The following ZFHX3 variants were observed in gnomAD, a reference collection of about 807,000 sequenced individuals.
ZFHX3 encodes zinc finger homeobox protein 3.
Under a neutral mutation model 279.1 loss-of-function variants are expected in ZFHX3, and 42 were observed. The observed-to-expected ratio is 0.15, with a 90% confidence interval of 0.12 to 0.19. ZFHX3 has a LOEUF of 0.19. Ranked by LOEUF, ZFHX3 falls within the 10% of genes least tolerant of loss-of-function variation. ZFHX3 has a pLI of 1.00. For synonymous variants in ZFHX3, 2,293 were observed against 1,957.8 expected (o/e 1.17, Z -4.52); for missense variants, 4,981 against 4,754.0 (o/e 1.05, Z -1.40).
chr16:72,859,425 A>G (rs2037829430), intron 4 of ZFHX3, among the ~76,000 whole-genome samples: 1 of 152,164 alleles, frequency 6.6e-6, no homozygotes, highest in Non-Finnish European at 1.5e-5. Context: ...AGGGGGCAAG[A>G]GACAAAATCC....
intron 5 of ZFHX3, among the ~76,000 whole-genome samples, chr16:73,251,367 C>A (rs183495870): frequency 6.6e-6 from 1 of 152,166 alleles, no homozygotes; most frequent in Non-Finnish European, 1.5e-5. Flanking sequence ...ATAATGACAA[C>A]AGCGAGCACG....
chr16:73,540,078 G>C (rs2019984406), intron 2 of ZFHX3, among the ~76,000 whole-genome samples: 1 of 152,224 alleles, frequency 6.6e-6, no homozygotes, highest in East Asian at 1.9e-4. Context: ...ATTAGTATTA[G>C]AAGGAGAATG....
intron 1 of ZFHX3, among the ~76,000 whole-genome samples, chr16:73,777,158 G>A (rs749799774): frequency 3.3e-5 from 5 of 152,070 alleles, no homozygotes; most frequent in Non-Finnish European, 7.4e-5. Flanking sequence ...TATGTGCAGG[G>A]CAAGGATCCC....
chr16:73,848,143 T>C (rs1961499437), intron 1 of ZFHX3, among the ~76,000 whole-genome samples: 2 of 152,004 alleles, frequency 1.3e-5, no homozygotes, highest in African/African-American at 2.4e-5. Flanking sequence ...CAATCTAGTC[T>C]AGACATGGGC....
chr16:73,121,945 G>A (rs1263378147), intron 7 of ZFHX3, among the ~76,000 whole-genome samples: 1 of 151,976 alleles, frequency 6.6e-6, no homozygotes, highest in African/African-American at 2.4e-5. Context: ...TACTTTTGAA[G>A]GTGAAAACTG....
chr16:72,928,187 GA>G (rs1959582799), intron 3 of ZFHX3, among the ~76,000 whole-genome samples: 2 of 41,510 alleles, frequency 4.8e-5, no homozygotes, highest in African/African-American at 1.2e-4. Context: ...GGGAGAGAGG[GA>G]GGGGGAGGGG....
intron 1 of ZFHX3, among the ~76,000 whole-genome samples, chr16:73,871,536 C>G (rs1050426131): frequency 4.6e-5 from 7 of 151,596 alleles, no homozygotes; most frequent in African/African-American, 1.7e-4. Context: ...ATGACTTTGC[C>G]TGAAATAGCC....
At chr16:73,883,351 G>C (rs1340247167) in intron 1 of ZFHX3, among the ~76,000 whole-genome samples, 1 of 151,842 alleles carries the variant, frequency 6.6e-6, no homozygotes, top group African/African-American at 2.4e-5. Context: ...GTTACTCCAG[G>C]AATGAGTTTA....
intron 2 of ZFHX3, among the ~76,000 whole-genome samples, chr16:73,501,792 C>G (rs2019243388): frequency 6.6e-6 from 1 of 152,082 alleles, no homozygotes; most frequent in South Asian, 2.1e-4. Context: ...AAGATGGAAG[C>G]TCAGTGAGGC....
intron 1 of ZFHX3, among the ~76,000 whole-genome samples, chr16:73,837,720 C>G (rs1311730731): frequency 1.3e-5 from 2 of 152,190 alleles, no homozygotes; most frequent in Non-Finnish European, 2.9e-5. Context: ...CTCACCACAA[C>G]ATCCTTTCCG....
At chr16:72,816,905 A>T (rs2036622985) in intron 5 of ZFHX3, among the ~76,000 whole-genome samples, 1 of 152,240 alleles carries the variant, frequency 6.6e-6, no homozygotes, top group Admixed American at 6.5e-5. Context: ...TGATTTTATC[A>T]TATTTGTTTT....
At chr16:73,669,756 C>T (rs1195090322) in intron 2 of ZFHX3, among the ~76,000 whole-genome samples, 2 of 152,194 alleles carry the variant, frequency 1.3e-5, no homozygotes, top group South Asian at 2.1e-4. Context: ...GTTTCCTGGT[C>T]TCTCAGATGC....
intron 4 of ZFHX3, among the ~76,000 whole-genome samples, chr16:72,843,169 A>G (rs765315961): frequency 6.6e-6 from 1 of 152,068 alleles, no homozygotes; most frequent in Non-Finnish European, 1.5e-5. Context: ...AAGTACCTCA[A>G]TTTTACAGAC....
intron 5 of ZFHX3, among the ~76,000 whole-genome samples, chr16:73,234,596 C>G (rs1047449260): frequency 6.6e-6 from 1 of 152,196 alleles, no homozygotes. Flanking sequence ...ATTCCACAGA[C>G]AGCAGACCAC....
At chr16:72,819,148 A>T (rs2036704020) in intron 5 of ZFHX3, among the ~76,000 whole-genome samples, 1 of 152,188 alleles carries the variant, frequency 6.6e-6, no homozygotes, top group Non-Finnish European at 1.5e-5. Flanking sequence ...TTACTTATTA[A>T]GCAGTTTAGA....
chr16:73,669,308 C>T (rs746633550), intron 2 of ZFHX3, among the ~76,000 whole-genome samples: 5 of 152,192 alleles, frequency 3.3e-5, no homozygotes, highest in African/African-American at 4.8e-5. Flanking sequence ...CCCGCCTTGG[C>T]CTCCCAAAGT....
chr16:72,947,149 G>A (rs998314139), intron 3 of ZFHX3, among the ~76,000 whole-genome samples: 7 of 152,258 alleles, frequency 4.6e-5, no homozygotes, highest in Non-Finnish European at 8.8e-5. Flanking sequence ...CTTTGCAGAA[G>A]TAACCTGAGG....
chr16:73,304,184 G>A (rs1414344745), intron 4 of ZFHX3, among the ~76,000 whole-genome samples: 4 of 152,100 alleles, frequency 2.6e-5, no homozygotes, highest in East Asian at 1.9e-4. Context: ...CAGGGTGTGA[G>A]TCGGAATTTG....
rs566515640 is a variant in ZFHX3, at chr16:73,436,774, G to A, written c.-1291+19229C>T. Among the ~76,000 whole-genome samples, 5 of 152,146 alleles carry A rather than the reference G, an allele frequency of 3.3e-5. No individual in the cohort carries two copies. In the South Asian group the frequency reaches 8.3e-4, roughly 25 times the overall value. On this transcript the variant is annotated intron_variant, in intron 3 of 17. Coordinates refer to the ZFHX3 transcript ENST00000641206. ...TGACATCCTGGCTGAAGTCAGGGGA[G>A]GGTGGGGTGGGGAATGGCTTCCTTC...
Sources: allele counts gnomAD v4.1 joint callset (sites outside exome capture counted in the v4.1 genomes callset), GRCh38; gene constraint gnomAD v4.1.1; transcripts MANE v1.5; gene names NCBI Gene and HGNC (gene_info 2026-07-23, HGNC 2026-07-21).